Variants in PGGT1B observed in about 807,000 individuals in gnomAD.
PGGT1B encodes the protein geranylgeranyl transferase type-1 subunit beta.
In PGGT1B, 30 loss-of-function variants were observed where a neutral mutation model predicts 46.1. The ratio of observed to expected loss-of-function variants is 0.65; its 90% CI spans 0.49 to 0.88. PGGT1B has a LOEUF of 0.88. Among genes scored for constraint, PGGT1B ranks in the 40% least tolerant of loss-of-function variants. PGGT1B has a pLI of 0.00. For missense variants in PGGT1B, 376 were observed against 455.9 expected (o/e 0.82, Z 1.60); for synonymous variants, 170 against 160.0 (o/e 1.06, Z -0.47).
At chr5:115,260,683 C>A (rs1028484523) in intron 1 of PGGT1B, among the ~76,000 whole-genome samples, 1 of 151,928 alleles carries the variant, frequency 6.6e-6, no homozygotes, top group Non-Finnish European at 1.5e-5. Context: ...ATAAGAAAAC[C>A]AAAATGATGT....
intron 2 of PGGT1B, 137 bp from the exon 3 acceptor site, chr5:115,241,743 C>G: frequency 1.8e-6 from 1 of 552,380 alleles, no homozygotes. Flanking sequence ...GAATGCTTAC[C>G]ATGTGCCAGG....
At chr5:115,248,040 T>C (rs955723420) in intron 2 of PGGT1B, among the ~76,000 whole-genome samples, 4 of 152,248 alleles carry the variant, frequency 2.6e-5, no homozygotes, top group Non-Finnish European at 2.9e-5. Flanking sequence ...TTCCCCCATG[T>C]TATTTTTTAA....
At chr5:115,242,004 T>C (rs1757361441) in intron 2 of PGGT1B, among the ~76,000 whole-genome samples, 1 of 152,220 alleles carries the variant, frequency 6.6e-6, no homozygotes, top group African/African-American at 2.4e-5. Context: ...TAGGGTCTAC[T>C]GTCTTTTTAC....
In PGGT1B at chr5:115,210,241, G is replaced by C. The variant is rs1756183252; in HGVS notation, c.*2161C>G. ...GGGGCGGGAAGGAGACAAGTATAGA[G>C]TAGGTAACAGAGCTTTTTGAGATTT... On this transcript the variant is annotated 3_prime_UTR_variant, in exon 9 of 9. Coordinates refer to ENST00000419445, the MANE Select transcript of PGGT1B (RefSeq NM_005023.4). The C allele has an allele frequency of 6.6e-6, 1 of 152,184 alleles. No individual in the cohort carries two copies. Among genetic ancestry groups the C allele is most frequent in the East Asian group, 1.9e-4 (1 of 5,194 alleles). The allele number at this position is 152,184 out of a possible 1,614,324, so 9.4% of individuals were successfully genotyped here. A position where few individuals can be genotyped will look rare whatever the true frequency, so the allele number is the denominator to read the frequency against.
chr5:115,215,195 G>A (rs1193152070), intron 8 of PGGT1B, among the ~76,000 whole-genome samples: 5 of 151,944 alleles, frequency 3.3e-5, no homozygotes, highest in Non-Finnish European at 4.4e-5. Context: ...ACGGGGTCTC[G>A]CCATATTGAC....
At chr5:115,230,225 A>T (rs187856715) in intron 6 of PGGT1B, among the ~76,000 whole-genome samples, 13 of 152,166 alleles carry the variant, frequency 8.5e-5, no homozygotes, top group Middle Eastern at 3.4e-3. Context: ...AGACAAGAAC[A>T]CTGATCTGTT....
At position 115,210,943 on chromosome 5, in the gene PGGT1B, A is replaced by C. The variant is rs1226968096; in HGVS notation, c.*1459T>G. The stretch of plus-strand genomic sequence containing the variant: ...AAACTAAGCATGCCAATAATAAATC[A>C]ATCATTTCTCCAAGTACACAGTGTT... On this transcript the variant is annotated 3_prime_UTR_variant, in exon 9 of 9. Transcript: ENST00000419445. 1 of 152,136 alleles carries C rather than the reference A, an allele frequency of 6.6e-6. No individual in the cohort carries two copies. Among genetic ancestry groups the C allele is most frequent in the East Asian group, 1.9e-4 (1 of 5,200 alleles). The allele number at this position is 152,136 out of a possible 1,614,324, so 9.4% of individuals were successfully genotyped here.
chr5:115,209,874 G>C lies in PGGT1B; in HGVS notation c.*2528C>G, dbSNP rs1192222322. 1 of 151,980 alleles carries C rather than the reference G, an allele frequency of 6.6e-6. No individual in the cohort carries two copies. Among genetic ancestry groups the C allele is most frequent in the Admixed American group, 6.6e-5 (1 of 15,228 alleles). The allele number at this position is 151,980 out of a possible 1,614,324, so 9.4% of individuals were successfully genotyped here. On this transcript the variant is annotated 3_prime_UTR_variant, in exon 9 of 9. Transcript: ENST00000419445. ...TTTTACCCTTATTTTATCCACGGCA[G>C]AGTTAGGGTCCAAGATCATGCTGCT... is the stretch of plus-strand genomic sequence containing the variant.
intron 1 of PGGT1B, among the ~76,000 whole-genome samples, chr5:115,261,550 A>T (rs1182249837): frequency 6.6e-6 from 1 of 152,192 alleles, no homozygotes; most frequent in Non-Finnish European, 1.5e-5. Context: ...AATTAATTCA[A>T]ATCAAAATAG....
At chr5:115,232,761 G>C (rs1314065755) in intron 5 of PGGT1B, among the ~76,000 whole-genome samples, 1 of 151,922 alleles carries the variant, frequency 6.6e-6, no homozygotes. Context: ...TTCAGAAAGA[G>C]GCCTGGTAAA....
At chr5:115,216,594 T>A (rs1381545984) in intron 8 of PGGT1B, among the ~76,000 whole-genome samples, 1 of 152,202 alleles carries the variant, frequency 6.6e-6, no homozygotes, top group Non-Finnish European at 1.5e-5. Context: ...ACCATCTACA[T>A]TATTGCTGCA....
rs987230075 is a variant in PGGT1B, at chr5:115,212,914, T to G, written c.953-331A>C. On this transcript the variant is annotated intron_variant, in intron 8 of 8. Transcript: ENST00000419445. ...GTAAGACTTCTCACTTTGGGGAGTT[T>G]CCCCTCTTGCTTACTAGAGAACATG... Among the ~76,000 whole-genome samples, 5 of 152,144 alleles carry G rather than the reference T, an allele frequency of 3.3e-5. No homozygotes were observed. In the East Asian group the frequency reaches 9.6e-4, roughly 29 times the overall value.
At chr5:115,212,835 C>G (rs1330278548) in intron 8 of PGGT1B, among the ~76,000 whole-genome samples, 2 of 152,086 alleles carry the variant, frequency 1.3e-5, no homozygotes, top group Non-Finnish European at 2.9e-5. Flanking sequence ...AGCTGAAGAG[C>G]TGATACTGTC....
chr5:115,240,914 A>T (rs112939002), intron 3 of PGGT1B, among the ~76,000 whole-genome samples: 1 of 152,168 alleles, frequency 6.6e-6, no homozygotes, highest in Admixed American at 6.5e-5. Flanking sequence ...AACACCTACA[A>T]AGTTTCTTCT....
In PGGT1B at chr5:115,230,555, T is replaced by C. The variant is rs113890366; in HGVS notation, c.658+421A>G. 5.3e-3 allele frequency among the ~76,000 whole-genome samples: 803 copies of C among 152,260 alleles called. 4 individuals carry two copies. Among genetic ancestry groups the C allele is most frequent in the African/African-American group, 0.018 (765 of 41,558 alleles). The stretch of plus-strand genomic sequence containing the variant: ...TAAGCAGCAAAATGTTTTACAACTA[T>C]GACTAATAATAATTTTGTTAAGGAA... On this transcript the variant is annotated intron_variant, in intron 6 of 8. Coordinates refer to ENST00000419445, the MANE Select transcript of PGGT1B (RefSeq NM_005023.4).
intron 6 of PGGT1B, among the ~76,000 whole-genome samples, chr5:115,223,050 T>C (rs1269674782): frequency 1.3e-5 from 2 of 151,536 alleles, no homozygotes; most frequent in Admixed American, 6.6e-5. Context: ...CACACCAACA[T>C]GGCACATGTA....
intron 6 of PGGT1B, among the ~76,000 whole-genome samples, chr5:115,226,102 G>A (rs1423542035): frequency 6.6e-6 from 1 of 151,948 alleles, no homozygotes; most frequent in East Asian, 1.9e-4. Context: ...TGGGGGCAGC[G>A]AGAATAGTTT....
chr5:115,224,947 A>C (rs114469915), intron 6 of PGGT1B, among the ~76,000 whole-genome samples: 6 of 152,192 alleles, frequency 3.9e-5, no homozygotes, highest in African/African-American at 9.6e-5. Context: ...TTCTATTTAA[A>C]AACAGGCACA....
Position 115,210,114 on chromosome 5 carries a change from G to C in PGGT1B, c.*2288C>G, listed in dbSNP as rs574685950. On this transcript the variant is annotated 3_prime_UTR_variant, in exon 9 of 9. Coordinates refer to ENST00000419445, the MANE Select transcript of PGGT1B (RefSeq NM_005023.4). Reference sequence around the variant, plus strand: ...TCTAAAAACACTGAAATGATAAACAGGTTAAATTAGGCCATATGATCTGAT... The same window carrying C: ...TCTAAAAACACTGAAATGATAAACACGTTAAATTAGGCCATATGATCTGAT... The C allele has an allele frequency of 1.3e-5, 2 of 151,936 alleles. No individual in the cohort carries two copies. The highest frequency in any genetic ancestry group is 4.8e-5 in the African/African-American group (2 of 41,364). The allele number at this position is 151,936 out of a possible 1,614,324, so 9.4% of individuals were successfully genotyped here.
Sources: allele counts gnomAD v4.1 joint callset (sites outside exome capture counted in the v4.1 genomes callset), GRCh38; gene constraint gnomAD v4.1.1; transcripts MANE v1.5; gene names NCBI Gene and HGNC (gene_info 2026-07-23, HGNC 2026-07-21).